Variants in MOV10L1 observed in about 807,000 individuals in gnomAD.
MOV10L1 encodes RNA helicase Mov10l1.
In MOV10L1, 110 loss-of-function variants were observed where a neutral mutation model predicts 143.8. The observed-to-expected ratio is 0.76, with a 90% confidence interval of 0.66 to 0.90. MOV10L1 has a LOEUF of 0.90. MOV10L1 is among the 40% of genes least tolerant of loss of function. MOV10L1 has a pLI of 0.00. For missense variants in MOV10L1, 1,406 were observed against 1,526.8 expected, an observed-to-expected ratio of 0.92 and a Z score of 1.32; for synonymous variants, 593 against 581.1, an observed-to-expected ratio of 1.02 and a Z score of -0.29.
intron 2 of MOV10L1, among the ~76,000 whole-genome samples, chr22:50,097,861 T>C (rs1406499900): frequency 6.6e-6 from 1 of 152,056 alleles, no homozygotes; most frequent in Non-Finnish European, 1.5e-5. Context: ...TGAGACAGAG[T>C]CTTGCTCTGT....
rs2272836 is a variant in MOV10L1 at position 50,144,121 on chromosome 22, C to T, written c.2383C>T (p.Arg795Trp). The T allele has an allele frequency of 4.3e-6, 7 of 1,610,260 alleles. No homozygotes were observed. The Admixed American group carries it at 6.7e-5, about 15-fold the overall frequency. Residue 795 changes from arginine (R) to tryptophan (W), a missense_variant, in exon 18 of 27, where the codon CGG (arginine) becomes TGG (tryptophan). By Grantham distance (101) the Arg-to-Trp change is moderately radical (BLOSUM62 -3). Around this residue, in one of 3 missense-constraint regions of MOV10L1, gnomAD observed 1,233 missense variants for 1,351.4 expected, o/e 0.91. Coordinates refer to ENST00000262794, the MANE Select transcript of MOV10L1 (RefSeq NM_018995.3). ...LQVHFALPDSRILVCAPSNSA... is the reference protein window; with the variant it reads ...LQVHFALPDSWILVCAPSNSA... The stretch of plus-strand genomic sequence containing the variant: ...GGTACACTTTGCCTTGCCGGACAGT[C>T]GGATTTTAGTCTGTGCGCCCTCCAA...
intron 18 of MOV10L1, among the ~76,000 whole-genome samples, chr22:50,144,737 G>A (rs941386689): frequency 5.9e-5 from 9 of 151,670 alleles, no homozygotes; most frequent in African/African-American, 9.7e-5. Context: ...ACCCGCCACT[G>A]CGCCCGGCTA....
Position 50,152,005 on chromosome 22 carries a change from C to T in MOV10L1, c.2893-1040C>T, listed in dbSNP as rs928899779. On this transcript the variant is annotated intron_variant, in intron 21 of 26. Coordinates refer to ENST00000262794, the MANE Select transcript of MOV10L1 (RefSeq NM_018995.3). The surrounding 1 kb of genome is among the most constrained non-coding windows in gnomAD (Gnocchi z 4.4). ...CCATGTCCAGCTAAGGCAGAGGTGC[C>T]GTGACTCTAGATCACATTTGGAGTT... is the stretch of plus-strand genomic sequence containing the variant. Among the ~76,000 whole-genome samples the T allele has an allele frequency of 2.6e-5, 4 of 152,234 alleles. No homozygotes were observed. The East Asian group carries it at 7.7e-4, about 29-fold the overall frequency.
rs2062384203 is a variant in MOV10L1 at position 50,090,057 on chromosome 22, G to A, written c.-32G>A. 2.4e-6 allele frequency: 3 copies of A among 1,229,886 alleles called. No individual in the cohort carries two copies. Among genetic ancestry groups the A allele is most frequent in the African/African-American group, 1.6e-5 (1 of 63,322 alleles). 76.2% of individuals were successfully genotyped at this position (1,229,886 alleles called of 1,614,324 possible). A position where few individuals can be genotyped will look rare whatever the true frequency, so the allele number is the denominator to read the frequency against. On this transcript the variant is annotated 5_prime_UTR_variant, in exon 1 of 27. Transcript: ENST00000262794. ...CGGGCGCGTGCGGGCGGCGGCAGCG[G>A]CGGTGACGGCAGCCTAGGCCGGGCG...
chr22:50,126,860 G>C (rs546211685), intron 12 of MOV10L1, among the ~76,000 whole-genome samples: 1 of 152,314 alleles, frequency 6.6e-6, no homozygotes, highest in East Asian at 1.9e-4. Flanking sequence ...GAAGGAAGAA[G>C]GGCTGAGAGA....
rs2062468654 is a variant in MOV10L1 at position 50,125,374 on chromosome 22, C to T, written c.1570-18C>T. 1.2e-6 allele frequency: 2 copies of T among 1,612,582 alleles called. No individual in the cohort carries two copies. Among genetic ancestry groups the T allele is most frequent in the Non-Finnish European group, 1.7e-6 (2 of 1,178,990 alleles). ...TGCTGAGCTGTTGCTGACTTTATAACATTTGGGTGTTTTCCAGCTTCTGAA... is the reference window on the plus strand; with the variant it reads ...TGCTGAGCTGTTGCTGACTTTATAATATTTGGGTGTTTTCCAGCTTCTGAA... On this transcript the variant is annotated intron_variant, in intron 10 of 26. Coordinates refer to ENST00000262794, the MANE Select transcript of MOV10L1 (RefSeq NM_018995.3).
intron 11 of MOV10L1, among the ~76,000 whole-genome samples, chr22:50,125,892 G>A (rs1394693910): frequency 2.0e-5 from 3 of 151,600 alleles, no homozygotes; most frequent in Non-Finnish European, 4.4e-5. Context: ...GGTTCACGCC[G>A]TTCTCCTGCC....
intron 5 of MOV10L1, among the ~76,000 whole-genome samples, chr22:50,111,470 C>T (rs1361011844): frequency 2.0e-5 from 3 of 148,522 alleles, no homozygotes; most frequent in Non-Finnish European, 4.5e-5. Flanking sequence ...TGAGTGGGGT[C>T]CCGACTCTGT....
At chr22:50,122,891 G>C (rs1285538813) in intron 10 of MOV10L1, among the ~76,000 whole-genome samples, 1 of 151,818 alleles carries the variant, frequency 6.6e-6, no homozygotes, top group Admixed American at 6.6e-5. Flanking sequence ...ACCATGCCCG[G>C]CTAACTTTTG....
Position 50,159,679 on chromosome 22 carries a change from T to A in MOV10L1, c.3218T>A (p.Val1073Glu). The A allele has an allele frequency of 6.3e-7, 1 of 1,596,410 alleles. No homozygotes were observed. The highest frequency in any genetic ancestry group is 8.6e-7 in the Non-Finnish European group (1 of 1,165,070). The change falls in exon 24 of 27, where the codon GTG (valine) becomes GAG (glutamate). Residue 1073 changes from valine (V) to glutamate (E), a missense_variant and splice_region_variant. Physicochemically the swap from Val to Glu is moderately radical, Grantham distance 121. This residue lies in a region of MOV10L1 where 1,233 missense variants were observed against 1,351.4 expected (regional missense o/e 0.91). Transcript: ENST00000262794. The surrounding 1 kb of genome is among the most constrained non-coding windows in gnomAD (Gnocchi z 4.1). ...IGVITPYRKQ[V>E]EKIRILLRNV... ...TCTTTCTTTTAATCTGTTCTCAAGGTGGAGAAAATCAGAATTCTTTTGCGT... is the reference window on the plus strand; with the variant it reads ...TCTTTCTTTTAATCTGTTCTCAAGGAGGAGAAAATCAGAATTCTTTTGCGT...
At chr22:50,138,915 G>C (rs890114797) in intron 15 of MOV10L1, among the ~76,000 whole-genome samples, 1 of 151,992 alleles carries the variant, frequency 6.6e-6, no homozygotes, top group Non-Finnish European at 1.5e-5. Context: ...TGTTGATCAG[G>C]CTGGTCTCAA....
chr22:50,124,408 T>G (rs2062436439), intron 10 of MOV10L1, among the ~76,000 whole-genome samples: 1 of 152,276 alleles, frequency 6.6e-6, no homozygotes, highest in African/African-American at 2.4e-5. Flanking sequence ...GCTTTTAAGA[T>G]TCTCTCTTTT....
intron 22 of MOV10L1, among the ~76,000 whole-genome samples, chr22:50,154,297 C>G (rs996889051): frequency 3.3e-5 from 5 of 152,152 alleles, no homozygotes; most frequent in Admixed American, 3.3e-4. Context: ...AGGGGCTCAC[C>G]TGTAACCCCA....
At chr22:50,138,993 T>C (rs1266422387) in intron 15 of MOV10L1, among the ~76,000 whole-genome samples, 2 of 151,874 alleles carry the variant, frequency 1.3e-5, no homozygotes, top group Admixed American at 6.6e-5. Context: ...TGAGCCACCA[T>C]GCCAGGCCTG....
intron 3 of MOV10L1, among the ~76,000 whole-genome samples, chr22:50,103,849 GAT>G (rs2061805674): frequency 1.3e-5 from 2 of 152,218 alleles, no homozygotes; most frequent in South Asian, 4.1e-4. Flanking sequence ...TTTTGTGAAA[GAT>G]AATTTTTTCC....
intron 4 of MOV10L1, 163 bp from the exon 5 acceptor site, chr22:50,108,494 G>A: frequency 2.5e-6 from 2 of 789,550 alleles, no homozygotes; most frequent in African/African-American, 3.4e-5. Context: ...ATGTTCTAAG[G>A]AGAAAGGTGT....
At position 50,145,688 on chromosome 22, in the gene MOV10L1, G is replaced by C; in HGVS notation, c.2506-1G>C. 1 of 1,614,074 alleles carries C rather than the reference G, an allele frequency of 6.2e-7. No homozygotes were observed. Among genetic ancestry groups the C allele is most frequent in the South Asian group, 1.1e-5 (1 of 91,086 alleles). On this transcript the variant is annotated splice_acceptor_variant, in intron 18 of 26. Coordinates refer to ENST00000262794, the MANE Select transcript of MOV10L1 (RefSeq NM_018995.3). LOFTEE classifies it high-confidence loss of function. ...CTAACTCTACGCCTCCTTGCCCCCA[G>C]ATAGTTATTGACGCCGTCAAACCGT...
rs1288487070 is a variant in MOV10L1 at position 50,113,955 on chromosome 22, GTC to G, written c.884+168_884+169del. ...TTTTTTTGAGACAGCGTCTTGCTCC[GTC>G]GCCCGGGCTGGAGTGCAGTGGCGCG... On this transcript the variant is annotated intron_variant, in intron 6 of 26. Coordinates refer to ENST00000262794, the MANE Select transcript of MOV10L1 (RefSeq NM_018995.3). 3.0e-3 allele frequency among the ~76,000 whole-genome samples: 364 copies of G among 123,260 alleles called. 1 individual carries two copies. The highest frequency in any genetic ancestry group is 0.011 in the African/African-American group (344 of 30,868). The allele number at this position is 123,260 out of a possible 152,430, so 80.9% of individuals were successfully genotyped here.
In MOV10L1 at chr22:50,117,236, A is replaced by G. The variant is rs755753981; in HGVS notation, c.1339A>G (p.Ile447Val). 1.2e-6 allele frequency: 2 copies of G among 1,614,100 alleles called. No homozygotes were observed. Among genetic ancestry groups the G allele is most frequent in the South Asian group, 1.1e-5 (1 of 91,082 alleles). ...LIGRYLEVNV[I>V]SGEESLIAAR... ...TGGGCGATACCTTGAAGTAAATGTTATCAGTGGGGAGGAGTCACTAATTGC... is the reference window on the plus strand; with the variant it reads ...TGGGCGATACCTTGAAGTAAATGTTGTCAGTGGGGAGGAGTCACTAATTGC... Residue 447 changes from isoleucine (I) to valine (V), a missense_variant, in exon 9 of 27, where the codon ATC becomes GTC. Ile to Val is a conservative substitution (Grantham distance 29). Coordinates refer to ENST00000262794, the MANE Select transcript of MOV10L1 (RefSeq NM_018995.3).
Sources: gnomAD v4.1 joint callset for allele counts (sites outside exome capture counted in the v4.1 genomes callset) on GRCh38, gnomAD v4.1.1 for gene constraint, gnomAD v4.1.1 regional missense constraint, Gnocchi (gnomAD v3.1) non-coding constraint, MANE v1.5 for transcripts, NCBI Gene and HGNC (gene_info 2026-07-23, HGNC 2026-07-21) for gene names.